BIRC6: variants seen among roughly 807,000 people sequenced by gnomAD.
BIRC6 encodes the protein baculoviral IAP repeat containing 6, also known as dual E2 ubiquitin-conjugating enzyme/E3 ubiquitin-protein ligase BIRC6.
BIRC6 carries 98 observed loss-of-function variants against 503.3 expected under a neutral mutation model. The observed-to-expected ratio is 0.19, with a 90% CI of 0.17 to 0.23. The LOEUF is 0.23. Ranked by LOEUF, BIRC6 falls within the 10% of genes least tolerant of loss-of-function variation. The pLI, the probability that BIRC6 is intolerant of heterozygous loss-of-function variation, is 1.00. For missense variants in BIRC6, 5,360 were observed against 5,806.0 expected (o/e 0.92, Z 2.50); for synonymous variants, 2,240 against 2,078.7 (o/e 1.08, Z -2.11).
At chr2:32,473,356 A>T in intron 33 of BIRC6, 117 bp downstream of exon 33, 1 of 778,412 alleles carries the variant, frequency 1.3e-6, no homozygotes, top group South Asian at 2.1e-5. Context: ...TTAGCTTAGG[A>T]AAATCATCTA....
rs1287962131 is a variant in BIRC6 at position 32,461,057 on chromosome 2, C to G, written c.4754-2137C>G. On this transcript the variant is annotated intron_variant, in intron 23 of 73. Coordinates refer to ENST00000421745, the MANE Select transcript of BIRC6 (RefSeq NM_016252.4). Reference sequence around the variant, plus strand: ...CTTCTCTTCTCTTCTCTTCTCTTCTCTTCTCTTCTGTTCTCCTCTCCTCTC... The same window carrying G: ...CTTCTCTTCTCTTCTCTTCTCTTCTGTTCTCTTCTGTTCTCCTCTCCTCTC... Among the ~76,000 whole-genome samples, 174 of 58,802 alleles carry G rather than the reference C, an allele frequency of 3.0e-3. 6 individuals carry two copies. Among genetic ancestry groups the G allele is most frequent in the Middle Eastern group, 0.028 (3 of 108 alleles). 38.6% of individuals were successfully genotyped at this position (58,802 alleles called of 152,430 possible).
intron 65 of BIRC6, chr2:32,566,382 C>G (rs1362419152): frequency 6.6e-6 from 1 of 152,174 alleles, no homozygotes; most frequent in East Asian, 1.9e-4. Context: ...TTTATACAGA[C>G]AGGATCTTGC....
chr2:32,390,354 T>C (rs2039063465), intron 4 of BIRC6, among the ~76,000 whole-genome samples: 1 of 151,784 alleles, frequency 6.6e-6, no homozygotes, highest in Non-Finnish European at 1.5e-5. Context: ...GTATTTTTAG[T>C]ACAGGTGGGG....
At chr2:32,368,708 G>A (rs1275979301) in intron 1 of BIRC6, among the ~76,000 whole-genome samples, 1 of 152,134 alleles carries the variant, frequency 6.6e-6, no homozygotes, top group Non-Finnish European at 1.5e-5. Flanking sequence ...CTGGAGTGCA[G>A]TGGTGTGATC....
chr2:32,475,418 GT>G (rs1258353063), intron 33 of BIRC6, among the ~76,000 whole-genome samples: 5 of 152,070 alleles, frequency 3.3e-5, no homozygotes, highest in Non-Finnish European at 7.4e-5. Context: ...GCTGATTGCT[GT>G]TGTTTAGGGA....
chr2:32,391,094 A>T (rs1573876266), intron 4 of BIRC6, among the ~76,000 whole-genome samples: 1 of 152,240 alleles, frequency 6.6e-6, no homozygotes, highest in Admixed American at 6.5e-5. Context: ...TTTTGAGATT[A>T]TAAAAGAGTC....
intron 65 of BIRC6, among the ~76,000 whole-genome samples, chr2:32,568,199 T>G (rs2059664456): frequency 6.6e-6 from 1 of 151,556 alleles, no homozygotes; most frequent in African/African-American, 2.4e-5. Flanking sequence ...TTTTTTTTTT[T>G]TTTCAGGATA....
rs770672789 is a variant in BIRC6, at chr2:32,534,730, CAAAAAAA to C, written c.12291+3202_12291+3208del. Among the ~76,000 whole-genome samples the C allele has an allele frequency of 5.9e-3, 132 of 22,308 alleles. No individual in the cohort carries two copies. The Middle Eastern group carries it at 0.083, about 14-fold the overall frequency. 14.6% of individuals were successfully genotyped at this position (22,308 alleles called of 152,430 possible). A position where few individuals can be genotyped will look rare whatever the true frequency, so the allele number is the denominator to read the frequency against. On this transcript the variant is annotated intron_variant, in intron 61 of 73. Coordinates refer to ENST00000421745, the MANE Select transcript of BIRC6 (RefSeq NM_016252.4). ...TGGGTGACAGAGCAAGACTCTGTCT[CAAAAAAA>C]AAAAAAAAAAAAAAAAAAAAAATGG...
At chr2:32,541,155 C>A (rs1172122020) in intron 61 of BIRC6, among the ~76,000 whole-genome samples, 1 of 151,956 alleles carries the variant, frequency 6.6e-6, no homozygotes, top group Non-Finnish European at 1.5e-5. Flanking sequence ...TAACAATGTT[C>A]TATTATATAG....
At position 32,504,034 on chromosome 2, in the gene BIRC6, TTGTGTG is replaced by T. The variant is rs556051105; in HGVS notation, c.9499+836_9499+841del. On this transcript the variant is annotated intron_variant, in intron 49 of 73. Coordinates refer to ENST00000421745, the MANE Select transcript of BIRC6 (RefSeq NM_016252.4). ...ACTGGGGCGGGGGGTGGGGGGGTGT[TTGTGTG>T]TGTGTGTGTGTGTGTGTGTGTGTGT... is the stretch of plus-strand genomic sequence containing the variant. 9.6e-3 allele frequency among the ~76,000 whole-genome samples: 749 copies of T among 78,192 alleles called. 18 individuals carry two copies. Among genetic ancestry groups the T allele is most frequent in the African/African-American group, 0.029 (552 of 18,850 alleles). 51.3% of individuals were successfully genotyped at this position (78,192 alleles called of 152,430 possible).
chr2:32,415,569 A>G lies in BIRC6; in HGVS notation c.2278A>G (p.Ile760Val). The change falls in exon 10 of 74, where the codon ATA becomes GTA. Residue 760 changes from isoleucine (I) to valine (V), a missense_variant. Ile to Val is a conservative substitution (Grantham distance 29). Around this residue, in one of 16 missense-constraint regions of BIRC6, gnomAD observed 700 missense variants for 739.3 expected, o/e 0.95. Coordinates refer to ENST00000421745, the MANE Select transcript of BIRC6 (RefSeq NM_016252.4). ...RTCPVESLSA[I>V]NQVEALNNLN... is the part of the protein sequence containing the mutation. ...ATGCCCTGTTGAATCCTTGAGTGCA[A>G]TAAATCAAGTAGAGGCCTTGAATAA... The G allele has an allele frequency of 1.9e-6, 3 of 1,614,026 alleles. No homozygotes were observed. Among genetic ancestry groups the G allele is most frequent in the Non-Finnish European group, 2.5e-6 (3 of 1,179,882 alleles).
At position 32,464,569 on chromosome 2, in the gene BIRC6, G is replaced by A; in HGVS notation, c.5002G>A (p.Ala1668Thr). The A allele has an allele frequency of 5.0e-6, 8 of 1,608,982 alleles. No homozygotes were observed. The highest frequency in any genetic ancestry group is 6.8e-6 in the Non-Finnish European group (8 of 1,177,146). ...AGCTGCAGCAGCTGCAGCAGCATCAGCAGTAGGTCCTGTTCACAACTCTGT... is the reference window on the plus strand; with the variant it reads ...AGCTGCAGCAGCTGCAGCAGCATCAACAGTAGGTCCTGTTCACAACTCTGT... ...TTAAAAAAAS[A>T]VGPVHNSVPS... The change falls in exon 25 of 74, where the codon GCA (alanine) becomes ACA (threonine). Residue 1668 changes from alanine (A) to threonine (T), a missense_variant. By Grantham distance (58) the Ala-to-Thr change is moderately conservative. Around this residue, in one of 16 missense-constraint regions of BIRC6, gnomAD observed 2,299 missense variants for 2,267.2 expected, o/e 1.01. Transcript: ENST00000421745.
At chr2:32,559,407 A>G (rs1258122404) in intron 65 of BIRC6, among the ~76,000 whole-genome samples, 1 of 152,264 alleles carries the variant, frequency 6.6e-6, no homozygotes. Flanking sequence ...GCAGGCGCAC[A>G]TTGAATCCTG....
intron 9 of BIRC6, among the ~76,000 whole-genome samples, chr2:32,411,033 C>T (rs1419054311): frequency 6.7e-6 from 1 of 150,140 alleles, no homozygotes; most frequent in East Asian, 2.0e-4. Context: ...CATGGAGTCA[C>T]CTTGAGTTCA....
chr2:32,526,166 G>A (rs893074565), intron 59 of BIRC6, among the ~76,000 whole-genome samples: 2 of 152,092 alleles, frequency 1.3e-5, no homozygotes, highest in African/African-American at 2.4e-5. Flanking sequence ...CTCATATGAC[G>A]GTTACAGTCT....
At chr2:32,553,091 G>A (rs1372806682) in intron 65 of BIRC6, among the ~76,000 whole-genome samples, 1 of 146,966 alleles carries the variant, frequency 6.8e-6, no homozygotes, top group Non-Finnish European at 1.5e-5. Context: ...CAGCTACTTG[G>A]GAGGCTGAGG....
At chr2:32,531,082 G>A (rs2056712040) in intron 60 of BIRC6, among the ~76,000 whole-genome samples, 1 of 152,128 alleles carries the variant, frequency 6.6e-6, no homozygotes, top group African/African-American at 2.4e-5. Context: ...CTGTTAAAAT[G>A]GAGATTCTTC....
intron 10 of BIRC6, among the ~76,000 whole-genome samples, chr2:32,426,168 A>G (rs2043467204): frequency 6.6e-6 from 1 of 152,184 alleles, no homozygotes; most frequent in Non-Finnish European, 1.5e-5. Flanking sequence ...TTTTTCTGAT[A>G]CTACTTTTTT....
At chr2:32,607,700 G>A (rs2062563217) in intron 72 of BIRC6, 57 bp downstream of exon 72, 2 of 1,429,228 alleles carry the variant, frequency 1.4e-6, no homozygotes, top group African/African-American at 1.4e-5. Context: ...AATATAGGCT[G>A]GGCATGGTGG....
Sources: allele counts gnomAD v4.1 joint callset (sites outside exome capture counted in the v4.1 genomes callset), GRCh38; gene constraint gnomAD v4.1.1; regional missense constraint gnomAD v4.1.1; transcripts MANE v1.5; gene names NCBI Gene and HGNC (gene_info 2026-07-23, HGNC 2026-07-21).